The following FKBP15 variants were observed in gnomAD, a reference collection of about 807,000 sequenced individuals.
The protein encoded by FKBP15 is FKBP prolyl isomerase family member 15.
In FKBP15, 106 loss-of-function variants were observed where a neutral mutation model predicts 158.1. That is an observed-to-expected ratio of 0.67 (90% CI 0.57 to 0.79). FKBP15 has a LOEUF of 0.79. Ranked by LOEUF, FKBP15 falls within the 30% of genes least tolerant of loss-of-function variation. FKBP15 has a pLI of 0.00. For missense variants in FKBP15, 1,287 were observed against 1,479.1 expected (o/e 0.87, Z 2.13); for synonymous variants, 547 against 548.6 (o/e 1.00, Z 0.04).
intron 6 of FKBP15, among the ~76,000 whole-genome samples, chr9:113,201,044 A>C (rs1830780276): frequency 2.3e-5 from 1 of 43,332 alleles, no homozygotes; most frequent in Non-Finnish European, 6.0e-5. Flanking sequence ...CTCTGTCTCA[A>C]AAAAAAAAAA....
intron 4 of FKBP15, among the ~76,000 whole-genome samples, chr9:113,204,365 G>A (rs13284852): frequency 0.14 from 20,903 of 152,266 alleles, 1,872 homozygotes; most frequent in Non-Finnish European, 0.19. Context: ...ACCGCGCCCA[G>A]CCTCTCCATG....
At chr9:113,194,399 T>C (rs973888696) in intron 9 of FKBP15, among the ~76,000 whole-genome samples, 2 of 149,214 alleles carry the variant, frequency 1.3e-5, no homozygotes, top group African/African-American at 5.0e-5. Context: ...ACATGTACCC[T>C]AAAACTTAAA....
chr9:113,177,342 ATTTG>A (rs1222031761), intron 20 of FKBP15, among the ~76,000 whole-genome samples: 1 of 152,214 alleles, frequency 6.6e-6, no homozygotes, highest in African/African-American at 2.4e-5. Flanking sequence ...AATAAATAAA[ATTTG>A]TTTGGGAAAC....
At chr9:113,206,632 C>A (rs1415335515) in intron 3 of FKBP15, 54 bp from the exon 4 acceptor site, 22 of 1,423,810 alleles carry the variant, frequency 1.5e-5, no homozygotes, top group Non-Finnish European at 2.2e-5. Flanking sequence ...TTCTGCAGAA[C>A]CAGCTTTCTT....
chr9:113,197,145 G>A (rs953041693), intron 8 of FKBP15, 67 bp from the exon 9 acceptor site: 12 of 1,572,096 alleles, frequency 7.6e-6, no homozygotes, highest in Non-Finnish European at 1.0e-5. Flanking sequence ...TGAAGTACAG[G>A]AGCAACAGGT....
At chr9:113,168,778 A>G (rs1830143087) in intron 26 of FKBP15, among the ~76,000 whole-genome samples, 2 of 152,134 alleles carry the variant, frequency 1.3e-5, no homozygotes. Context: ...CATCTTTTCA[A>G]TGTGACCTTC....
At position 113,162,786 on chromosome 9, in the gene FKBP15, G is replaced by A. The variant is rs776955233; in HGVS notation, c.*3292C>T. ...TCACTTTGGCCAGTCTCTAATCCAT[G>A]TCATCCAGGTGGTCATCGGCTACTT... On this transcript the variant is annotated 3_prime_UTR_variant, in exon 28 of 28. Transcript: ENST00000238256. 10 of 1,613,536 alleles carry A rather than the reference G, an allele frequency of 6.2e-6. No individual in the cohort carries two copies. Among genetic ancestry groups the A allele is most frequent in the Non-Finnish European group, 8.5e-6 (10 of 1,179,784 alleles).
At chr9:113,211,153 T>C (rs186027990) in intron 2 of FKBP15, among the ~76,000 whole-genome samples, 2 of 149,944 alleles carry the variant, frequency 1.3e-5, no homozygotes, top group East Asian at 3.9e-4. Flanking sequence ...AATACACTCT[T>C]GTTTTTATTT....
intron 23 of FKBP15, 124 bp downstream of exon 23, chr9:113,173,329 G>A: frequency 1.1e-6 from 1 of 939,184 alleles, no homozygotes; most frequent in Admixed American, 2.9e-5. Context: ...AGCTAAACAA[G>A]TGTGGTTTTG....
chr9:113,206,591 G>A lies in FKBP15; in HGVS notation c.255-13C>T. 6.2e-7 allele frequency: 1 copy of A among 1,603,294 alleles called. No homozygotes were observed. The highest frequency in any genetic ancestry group is 8.5e-7 in the Non-Finnish European group (1 of 1,174,590). ...TTGACCATTTGTGCTATAAAAGGAA[G>A]AGAAACAACAAGTATTAATACTTCC... is the stretch of plus-strand genomic sequence containing the variant. On this transcript the variant is annotated splice_polypyrimidine_tract_variant and intron_variant, in intron 3 of 27. Transcript: ENST00000238256.
Position 113,178,308 on chromosome 9 carries a change from C to T in FKBP15, c.2086+322G>A, listed in dbSNP as rs182855955. Among the ~76,000 whole-genome samples, 52 of 152,278 alleles carry T rather than the reference C, an allele frequency of 3.4e-4. 1 individual carries two copies. In the East Asian group the frequency reaches 9.5e-3, roughly 28 times the overall value. ...CACCAGGAAGCATTTCTTTTTTAAACTTCCACTGAGTCATGAGTTAGAACA... is the reference window on the plus strand; with the variant it reads ...CACCAGGAAGCATTTCTTTTTTAAATTTCCACTGAGTCATGAGTTAGAACA... On this transcript the variant is annotated intron_variant, in intron 20 of 27. Coordinates refer to ENST00000238256, the MANE Select transcript of FKBP15 (RefSeq NM_015258.2).
chr9:113,168,778 A>T (rs1830143087), intron 26 of FKBP15, among the ~76,000 whole-genome samples: 1 of 152,134 alleles, frequency 6.6e-6, no homozygotes, highest in Non-Finnish European at 1.5e-5. Flanking sequence ...CATCTTTTCA[A>T]TGTGACCTTC....
At position 113,163,876 on chromosome 9, in the gene FKBP15, G is replaced by A. The variant is rs1353335249; in HGVS notation, c.*2202C>T. 1.3e-5 allele frequency: 2 copies of A among 150,814 alleles called. No homozygotes were observed. Among genetic ancestry groups the A allele is most frequent in the African/African-American group, 2.5e-5 (1 of 40,692 alleles). The allele number at this position is 150,814 out of a possible 1,614,324, so 9.3% of individuals were successfully genotyped here. A position where few individuals can be genotyped will look rare whatever the true frequency, so the allele number is the denominator to read the frequency against. ...TACTGCTTACTCGTAATGATCTAGT[G>A]GGGAAACATGATTCATTCACTTAAA... is the stretch of plus-strand genomic sequence containing the variant. On this transcript the variant is annotated 3_prime_UTR_variant, in exon 28 of 28. Transcript: ENST00000238256.
chr9:113,215,620 G>C (rs1392198043), intron 1 of FKBP15, among the ~76,000 whole-genome samples: 2 of 108,874 alleles, frequency 1.8e-5, no homozygotes, highest in African/African-American at 7.9e-5. Context: ...GTGTGTGTGT[G>C]TGTGTATATA....
chr9:113,164,824 G>A lies in FKBP15; in HGVS notation c.*1254C>T, dbSNP rs1830072998. 6.6e-6 allele frequency: 1 copy of A among 152,186 alleles called. No homozygotes were observed. The allele number at this position is 152,186 out of a possible 1,614,324, so 9.4% of individuals were successfully genotyped here. Reference sequence around the variant, plus strand: ...TAAAATGGTGATAACACTGTCTTCTGCAGTGGTTGCTGGAGATAAGCCAGT... The same window carrying A: ...TAAAATGGTGATAACACTGTCTTCTACAGTGGTTGCTGGAGATAAGCCAGT... On this transcript the variant is annotated 3_prime_UTR_variant, in exon 28 of 28. Transcript: ENST00000238256.
chr9:113,218,829 A>G (rs964541621), intron 1 of FKBP15, among the ~76,000 whole-genome samples: 3 of 152,150 alleles, frequency 2.0e-5, no homozygotes, highest in Non-Finnish European at 4.4e-5. Flanking sequence ...GCTTTTTCCT[A>G]TCTTTTACAG....
intron 19 of FKBP15, 151 bp downstream of exon 19, chr9:113,182,615 T>C (rs767192308): frequency 5.4e-5 from 35 of 643,218 alleles, no homozygotes; most frequent in Non-Finnish European, 8.7e-5. Context: ...ATGTAGATGA[T>C]GAATACATGA....
chr9:113,173,024 G>A (rs1057267253), intron 23 of FKBP15, among the ~76,000 whole-genome samples: 9 of 152,094 alleles, frequency 5.9e-5, no homozygotes, highest in Non-Finnish European at 8.8e-5. Flanking sequence ...CACCACCTTT[G>A]GGAAACCTTC....
At position 113,221,216 on chromosome 9, in the gene FKBP15, T is replaced by C. The variant is rs1311849301; in HGVS notation, c.28A>G (p.Thr10Ala). 1 of 1,610,374 alleles carries C rather than the reference T, an allele frequency of 6.2e-7. No homozygotes were observed. Among genetic ancestry groups the C allele is most frequent in the Non-Finnish European group, 8.5e-7 (1 of 1,178,306 alleles). Residue 10 changes from threonine (T) to alanine (A), a missense_variant, in exon 1 of 28, where the codon ACC (threonine) becomes GCC (alanine). Transcript: ENST00000238256. MFGAGDEDD[T>A]DFLSPSGGAR... ...CCGCCGCTCGGCGAGAGGAAATCGG[T>C]GTCGTCCTCGTCCCCCGCACCGAAC...
Sources: gnomAD v4.1 joint callset for allele counts (sites outside exome capture counted in the v4.1 genomes callset) on GRCh38, gnomAD v4.1.1 for gene constraint, MANE v1.5 for transcripts, NCBI Gene and HGNC (gene_info 2026-07-23, HGNC 2026-07-21) for gene names.